DPH6: variants seen among roughly 807,000 people sequenced by gnomAD.
DPH6 encodes diphthine--ammonia ligase.
DPH6 carries 33 observed loss-of-function variants against 38.2 expected under a neutral mutation model. That is an observed-to-expected ratio of 0.86 (90% confidence interval 0.65 to 1.15). The LOEUF (loss-of-function observed/expected upper bound fraction) is 1.15. Ranked by LOEUF, DPH6 falls within the 50% of genes most tolerant of loss-of-function variation. The probability of loss-of-function intolerance (pLI) is 0.00; values close to 1 mark genes in which losing one functional copy is unlikely to be tolerated. For synonymous variants in DPH6, 108 were observed against 103.0 expected, an observed-to-expected ratio of 1.05 and a Z score of -0.30; for missense variants, 325 against 320.0, an observed-to-expected ratio of 1.02 and a Z score of -0.12.
At chr15:35,209,486 A>G in the DPH6 span, among the ~76,000 whole-genome samples, 1 of 152,188 alleles carries the variant, frequency 6.6e-6, no homozygotes, top group Non-Finnish European at 1.5e-5. Flanking sequence ...CTCAGTTACT[A>G]TTTTAGAAGA....
chr15:35,490,667 A>C (rs2054464271), intron 3 of DPH6, among the ~76,000 whole-genome samples: 1 of 152,166 alleles, frequency 6.6e-6, no homozygotes, highest in Non-Finnish European at 1.5e-5. Flanking sequence ...ATTTCATCTA[A>C]AATAATAATA....
chr15:35,364,360 T>A (rs2052638704), intron 3 of DPH6, among the ~76,000 whole-genome samples: 1 of 152,112 alleles, frequency 6.6e-6, no homozygotes, highest in African/African-American at 2.4e-5. Context: ...TTTAATGCAT[T>A]TCCCAGTAAG....
chr15:35,494,776 C>T (rs58308385), intron 3 of DPH6, among the ~76,000 whole-genome samples: 14,572 of 151,712 alleles, frequency 0.096, 933 homozygotes, highest in African/African-American at 0.18. Context: ...TTTCAAAGTC[C>T]ACTCATGATT....
At chr15:35,389,645 C>G (rs1208783337) in intron 6 of DPH6, among the ~76,000 whole-genome samples, 2 of 152,268 alleles carry the variant, frequency 1.3e-5, no homozygotes, top group South Asian at 2.1e-4. Context: ...TCTGTTTTAT[C>G]AGAGACTAGG....
In DPH6 at chr15:35,489,572, C is replaced by T. The variant is rs888994652; in HGVS notation, c.313-34752G>A. ...ATATCTTTCTCATGTTTAAATTTTT[C>T]TGAATAATCATAAAAAATACCTACC... On this transcript the variant is annotated intron_variant, in intron 3 of 8. Transcript: ENST00000256538. The T allele has an allele frequency of 2.0e-5, 20 of 982,472 alleles. No individual in the cohort carries two copies. In the African/African-American group the frequency reaches 3.2e-4, roughly 16 times the overall value. 60.9% of individuals were successfully genotyped at this position (982,472 alleles called of 1,614,324 possible).
intron 3 of DPH6, among the ~76,000 whole-genome samples, chr15:35,463,196 T>C (rs952226260): frequency 1.3e-5 from 2 of 152,044 alleles, no homozygotes; most frequent in African/African-American, 4.8e-5. Context: ...AGTTGATGAG[T>C]GTATGGGGAA....
chr15:35,168,001 C>A, the DPH6 span, among the ~76,000 whole-genome samples: 2 of 152,102 alleles, frequency 1.3e-5, no homozygotes, highest in Admixed American at 1.3e-4. Flanking sequence ...CTGGAGATTA[C>A]ATGAGAAGTA....
chr15:35,180,917 T>G, the DPH6 span, among the ~76,000 whole-genome samples: 1 of 152,226 alleles, frequency 6.6e-6, no homozygotes, highest in Non-Finnish European at 1.5e-5. Flanking sequence ...AATTCTGTTT[T>G]TATCTATTTT....
chr15:35,224,100 G>GTTT (rs142813866), intron 3 of DPH6, among the ~76,000 whole-genome samples: 935 of 88,880 alleles, frequency 0.011, 13 homozygotes, highest in East Asian at 0.013. Flanking sequence ...CATGATTTTA[G>GTTT]TTTTTTTTTT....
intron 5 of DPH6, among the ~76,000 whole-genome samples, chr15:35,420,622 TCTC>T (rs1326917446): frequency 6.6e-6 from 1 of 152,136 alleles, no homozygotes; most frequent in East Asian, 1.9e-4. Context: ...GATCAAGCAT[TCTC>T]CTGCCTCAGC....
chr15:35,274,957 C>A (rs1390532645), intron 3 of DPH6, among the ~76,000 whole-genome samples: 1 of 151,988 alleles, frequency 6.6e-6, no homozygotes, highest in Non-Finnish European at 1.5e-5. Context: ...CTCTGTCCCC[C>A]AGTCTGGAGT....
At chr15:35,369,181 T>C (rs1044340674), downstream of DPH6, among the ~76,000 whole-genome samples, 2 of 151,620 alleles carry the variant, frequency 1.3e-5, no homozygotes, top group African/African-American at 4.8e-5. Flanking sequence ...TTAAGGATTA[T>C]GAAGAATGAA....
At chr15:35,194,167 T>C in the DPH6 span, among the ~76,000 whole-genome samples, 1 of 152,158 alleles carries the variant, frequency 6.6e-6, no homozygotes, top group Non-Finnish European at 1.5e-5. Flanking sequence ...TAGGATTCAT[T>C]TTTATTTATT....
chr15:35,351,748 G>T (rs1274036085), intron 3 of DPH6, among the ~76,000 whole-genome samples: 6 of 149,384 alleles, frequency 4.0e-5, no homozygotes, highest in Non-Finnish European at 8.9e-5. Flanking sequence ...GAGAGACAAG[G>T]TGTCACTCTG....
chr15:35,219,407 A>G (rs1487480970), exon 4 of DPH6: 1 of 152,216 alleles, frequency 6.6e-6, no homozygotes, highest in Admixed American at 6.5e-5. Context: ...TTGAAAATGT[A>G]TGTATTTTAT....
intron 3 of DPH6, among the ~76,000 whole-genome samples, chr15:35,224,442 T>G (rs564353862): frequency 6.6e-6 from 1 of 152,180 alleles, no homozygotes; most frequent in Non-Finnish European, 1.5e-5. Context: ...GTTGGATGGA[T>G]GTACTAAAGT....
intron 3 of DPH6, among the ~76,000 whole-genome samples, chr15:35,342,163 A>G (rs2052426849): frequency 6.6e-6 from 1 of 151,998 alleles, no homozygotes; most frequent in Non-Finnish European, 1.5e-5. Flanking sequence ...CTTCCTAGGG[A>G]TATGTATGGA....
chr15:35,521,276 A>C (rs151327896), intron 3 of DPH6: 2 of 987,424 alleles, frequency 2.0e-6, no homozygotes, highest in East Asian at 2.3e-4. Flanking sequence ...GTAAATAAAC[A>C]GAAAGCTTTT....
intron 3 of DPH6, among the ~76,000 whole-genome samples, chr15:35,482,946 T>A (rs115607891): frequency 0.018 from 2,782 of 152,066 alleles, 88 homozygotes; most frequent in African/African-American, 0.062. Flanking sequence ...AAATGCTTTT[T>A]TACACAGGAT....
Sources: allele counts gnomAD v4.1 joint callset (sites outside exome capture counted in the v4.1 genomes callset), GRCh38; gene constraint gnomAD v4.1.1; transcripts MANE v1.5; gene names NCBI Gene and HGNC (gene_info 2026-07-23, HGNC 2026-07-21).